UHRF2: variants seen among roughly 807,000 people sequenced by gnomAD.
UHRF2 encodes the protein E3 ubiquitin-protein ligase UHRF2.
In UHRF2, 23 loss-of-function variants were observed where a neutral mutation model predicts 96.8. The observed-to-expected ratio is 0.24, with a 90% confidence interval of 0.17 to 0.34. The LOEUF (loss-of-function observed/expected upper bound fraction) is 0.34, where lower values mean the gene tolerates loss of function less well. Among genes scored for constraint, UHRF2 ranks in the 10% least tolerant of loss-of-function variants. The pLI is 1.00. For synonymous variants in UHRF2, 385 were observed against 332.6 expected (o/e 1.16, Z -1.72); for missense variants, 685 against 981.5 (o/e 0.70, Z 4.04).
At position 6,498,025 on chromosome 9, in the gene UHRF2, A is replaced by G; in HGVS notation, c.1775A>G (p.Lys592Arg). The change falls in exon 12 of 16, where the codon AAA becomes AGA. Residue 592 changes from lysine to arginine, a missense_variant. By Grantham distance (26) the Lys-to-Arg change is conservative (BLOSUM62 2). Coordinates refer to ENST00000276893, the MANE Select transcript of UHRF2 (RefSeq NM_152896.3). ...NRYDGIYKVV[K>R]YWPEISSSHG... is the part of the protein sequence containing the mutation. Reference sequence around the variant, plus strand: ...TGAAATATTGTGATTTAGGTGGTGAAATACTGGCCAGAGATTTCATCAAGC... The same window carrying G: ...TGAAATATTGTGATTTAGGTGGTGAGATACTGGCCAGAGATTTCATCAAGC... The G allele has an allele frequency of 3.1e-6, 5 of 1,612,628 alleles. No individual in the cohort carries two copies. The highest frequency in any genetic ancestry group is 4.2e-6 in the Non-Finnish European group (5 of 1,179,902).
intron 9 of UHRF2, among the ~76,000 whole-genome samples, chr9:6,489,308 T>C (rs972566827): frequency 2.0e-5 from 3 of 152,262 alleles, no homozygotes; most frequent in African/African-American, 7.2e-5. Context: ...TTTAATCATT[T>C]ACTCATGGAA....
chr9:6,487,530 C>T (rs1245943550), intron 9 of UHRF2, among the ~76,000 whole-genome samples: 1 of 152,172 alleles, frequency 6.6e-6, no homozygotes, highest in Non-Finnish European at 1.5e-5. Context: ...CTGTGCCTGG[C>T]TAATTCTTGT....
At chr9:6,467,436 A>G (rs140414264) in intron 4 of UHRF2, among the ~76,000 whole-genome samples, 319 of 152,184 alleles carry the variant, frequency 2.1e-3, no homozygotes, top group African/African-American at 7.3e-3. Flanking sequence ...GGTTCCTGGA[A>G]TTAGGACATG....
At chr9:6,466,551 GAAA>G (rs34552859) in intron 4 of UHRF2, among the ~76,000 whole-genome samples, 7,060 of 111,012 alleles carry the variant, frequency 0.064, 514 homozygotes, top group African/African-American at 0.18. Flanking sequence ...AAAAAAAAAG[GAAA>G]AAAAAAAAAA....
intron 3 of UHRF2, among the ~76,000 whole-genome samples, chr9:6,451,040 CTG>C (rs1195337954): frequency 6.6e-6 from 1 of 152,170 alleles, no homozygotes; most frequent in African/African-American, 2.4e-5. Flanking sequence ...AACTTAACCT[CTG>C]TGGTTTTATG....
chr9:6,483,519 G>T (rs1308016939), intron 8 of UHRF2, among the ~76,000 whole-genome samples: 10 of 152,102 alleles, frequency 6.6e-5, no homozygotes, highest in Admixed American at 6.5e-4. Flanking sequence ...GACAGATTCA[G>T]TACAGACACA....
At chr9:6,497,874 A>C in intron 11 of UHRF2, 144 bp from the exon 12 acceptor site, 1 of 999,674 alleles carries the variant, frequency 1.0e-6, no homozygotes, top group Non-Finnish European at 1.4e-6. Context: ...GTTTTAGTGA[A>C]TATTCTTGAC....
intron 4 of UHRF2, chr9:6,468,455 C>T (rs1192909015): frequency 1.8e-5 from 8 of 455,910 alleles, no homozygotes; most frequent in Non-Finnish European, 3.5e-5. Context: ...CAAAGAGAAC[C>T]AACTGCGGGT....
At chr9:6,446,159 AT>A (rs35314530) in intron 3 of UHRF2, among the ~76,000 whole-genome samples, 78,211 of 146,834 alleles carry the variant, frequency 0.53, 21,453 homozygotes, top group Non-Finnish European at 0.61. Flanking sequence ...CACCTGGATA[AT>A]TTTTTTTTTT....
At chr9:6,428,439 A>T (rs1218976543) in intron 2 of UHRF2, among the ~76,000 whole-genome samples, 3 of 151,528 alleles carry the variant, frequency 2.0e-5, no homozygotes, top group Admixed American at 6.6e-5. Context: ...TTAACCTTTA[A>T]CAACCTATTA....
chr9:6,442,676 G>C (rs1398759621), intron 3 of UHRF2, among the ~76,000 whole-genome samples: 1 of 150,212 alleles, frequency 6.7e-6, no homozygotes, highest in Non-Finnish European at 1.5e-5. Flanking sequence ...TGGGGGGGTA[G>C]AGATGGGGTC....
intron 2 of UHRF2, among the ~76,000 whole-genome samples, chr9:6,428,334 C>G (rs1019302181): frequency 1.3e-5 from 2 of 152,068 alleles, no homozygotes; most frequent in Non-Finnish European, 2.9e-5. Context: ...CCAGGTGCCT[C>G]CTCCTGATTA....
Position 6,462,069 on chromosome 9 carries a change from C to A in UHRF2, c.863+1278C>A, listed in dbSNP as rs530814327. On this transcript the variant is annotated intron_variant, in intron 4 of 15. Coordinates refer to ENST00000276893, the MANE Select transcript of UHRF2 (RefSeq NM_152896.3). ...GTTCTGATTAACTGGATTAGTGATA[C>A]AAGGTGACAAATCTTGGAACAATGA... 2.1e-4 allele frequency among the ~76,000 whole-genome samples: 32 copies of A among 151,324 alleles called. 1 individual carries two copies. The South Asian group carries it at 5.6e-3, about 27-fold the overall frequency.
At chr9:6,485,834 C>T (rs1395904199) in intron 8 of UHRF2, among the ~76,000 whole-genome samples, 1 of 125,460 alleles carries the variant, frequency 8.0e-6, no homozygotes, top group Admixed American at 8.0e-5. Context: ...AAAAACAAAA[C>T]CCAAAACCAA....
intron 9 of UHRF2, among the ~76,000 whole-genome samples, chr9:6,491,102 G>A (rs1824629682): frequency 6.6e-6 from 1 of 152,158 alleles, no homozygotes; most frequent in Non-Finnish European, 1.5e-5. Flanking sequence ...TTAATCAAAT[G>A]CCAGTTTTAG....
At chr9:6,420,769 G>A (rs1819887904) in intron 1 of UHRF2, 143 bp from the exon 2 acceptor site, 1 of 635,996 alleles carries the variant, frequency 1.6e-6, no homozygotes, top group Admixed American at 2.7e-5. Context: ...TGACATCAGA[G>A]GCCATTAAGT....
intron 3 of UHRF2, among the ~76,000 whole-genome samples, chr9:6,450,286 C>T (rs947024505): frequency 6.7e-6 from 1 of 149,780 alleles, no homozygotes; most frequent in Non-Finnish European, 1.5e-5. Context: ...AAGTCTCTAT[C>T]TACAGATTTC....
At chr9:6,466,199 G>C (rs1004949373) in intron 4 of UHRF2, among the ~76,000 whole-genome samples, 14 of 151,888 alleles carry the variant, frequency 9.2e-5, no homozygotes, top group South Asian at 4.2e-4. Context: ...TCAGGAGTTC[G>C]AGACCAGCCT....
At position 6,464,992 on chromosome 9, in the gene UHRF2, A is replaced by G. The variant is rs190050452; in HGVS notation, c.863+4201A>G. ...TTTAATTTACATGTAGATTGTTTCAAAATGTTTGGAATTATAATCATCTGT... is the reference window on the plus strand; with the variant it reads ...TTTAATTTACATGTAGATTGTTTCAGAATGTTTGGAATTATAATCATCTGT... On this transcript the variant is annotated intron_variant, in intron 4 of 15. Transcript: ENST00000276893. Among the ~76,000 whole-genome samples the G allele has an allele frequency of 4.4e-4, 67 of 152,238 alleles. No individual in the cohort carries two copies. In the Middle Eastern group the frequency reaches 0.014, roughly 31 times the overall value.
Sources: allele counts gnomAD v4.1 joint callset (sites outside exome capture counted in the v4.1 genomes callset), GRCh38; gene constraint gnomAD v4.1.1; transcripts MANE v1.5; gene names NCBI Gene and HGNC (gene_info 2026-07-23, HGNC 2026-07-21).